SLC6A19: variants seen among roughly 807,000 people sequenced by gnomAD.
SLC6A19 encodes the protein solute carrier family 6 member 19, also known as sodium-dependent neutral amino acid transporter B(0)AT1.
SLC6A19 carries 67 observed loss-of-function variants against 68.3 expected under a neutral mutation model. The observed-to-expected ratio is 0.98, with a 90% CI of 0.81 to 1.20. SLC6A19 has a LOEUF of 1.20. Ranked by LOEUF, SLC6A19 falls within the 50% of genes most tolerant of loss-of-function variation. The pLI, the probability that SLC6A19 is intolerant of heterozygous loss-of-function variation, is 0.00. For synonymous variants in SLC6A19, 392 were observed against 374.9 expected (o/e 1.05, Z -0.53); for missense variants, 813 against 851.6 (o/e 0.95, Z 0.56).
rs1746497287 is a variant in SLC6A19 at position 1,224,731 on chromosome 5, G to T, written c.*2827G>T. 6.6e-6 allele frequency: 1 copy of T among 152,568 alleles called. No individual in the cohort carries two copies. The highest frequency in any genetic ancestry group is 1.5e-5 in the Non-Finnish European group (1 of 68,274). The allele number at this position is 152,568 out of a possible 1,614,324, so 9.5% of individuals were successfully genotyped here. ...TTGCGGGCCTGGGGGCCCTTGGCCT[G>T]TCCGTGGCGGGAGCATCTGCAAGGA... On this transcript the variant is annotated 3_prime_UTR_variant, in exon 12 of 12. Coordinates refer to ENST00000304460, the MANE Select transcript of SLC6A19 (RefSeq NM_001003841.3).
At chr5:1,213,425 C>G (rs761817133) in intron 4 of SLC6A19, 38 bp from the exon 5 acceptor site, 1 of 1,468,316 alleles carries the variant, frequency 6.8e-7, no homozygotes, top group East Asian at 2.4e-5. Flanking sequence ...CCTGGCCCCC[C>G]AACTTCCCGC....
In SLC6A19 at chr5:1,212,178, G is replaced by A. The variant is rs1165183960; in HGVS notation, c.482-125G>A. ...CATGTGTGCCTGTGTTCATGTGCAC[G>A]TGTGGGCGTGTCACTGGTGTCAAGG... is the stretch of plus-strand genomic sequence containing the variant. On this transcript the variant is annotated intron_variant, in intron 3 of 11. Transcript: ENST00000304460. This position sits in a 1 kb window ranked among gnomAD's most constrained non-coding sequence, Gnocchi z 5.1. 8 of 1,125,480 alleles carry A rather than the reference G, an allele frequency of 7.1e-6. No individual in the cohort carries two copies. Among genetic ancestry groups the A allele is most frequent in the Admixed American group, 1.9e-5 (1 of 53,866 alleles). The allele number at this position is 1,125,480 out of a possible 1,614,324, so 69.7% of individuals were successfully genotyped here. A position where few individuals can be genotyped will look rare whatever the true frequency, so the allele number is the denominator to read the frequency against.
At position 1,209,916 on chromosome 5, in the gene SLC6A19, A is replaced by G. The variant is rs1367818328; in HGVS notation, c.344-528A>G. Among the ~76,000 whole-genome samples the G allele has an allele frequency of 3.9e-5, 6 of 152,184 alleles. No homozygotes were observed. Among genetic ancestry groups the G allele is most frequent in the Middle Eastern group, 3.2e-3 (1 of 316 alleles). On this transcript the variant is annotated intron_variant, in intron 2 of 11. Coordinates refer to ENST00000304460, the MANE Select transcript of SLC6A19 (RefSeq NM_001003841.3). The surrounding 1 kb of genome is among the most constrained non-coding windows in gnomAD (Gnocchi z 5.5). ...CATCCTGCCTAGCTGTCCCCAAATA[A>G]TTGAGAACATTCCCCTCTGCAGTTT...
intron 8 of SLC6A19, among the ~76,000 whole-genome samples, chr5:1,218,399 T>C (rs1411203723): frequency 6.6e-6 from 1 of 152,156 alleles, no homozygotes; most frequent in Non-Finnish European, 1.5e-5. Flanking sequence ...GGCCGGGGCC[T>C]GGTTCTTGGT....
At chr5:1,206,374 G>GTC (rs1436435569) in intron 1 of SLC6A19, among the ~76,000 whole-genome samples, 1 of 79,338 alleles carries the variant, frequency 1.3e-5, no homozygotes, top group Admixed American at 1.1e-4. Flanking sequence ...CTGTGTGTGT[G>GTC]TCTCTCTCTC....
rs115441372 is a variant in SLC6A19 at position 1,217,035 on chromosome 5, G to A, written c.1173+90G>A. The A allele has an allele frequency of 6.2e-4, 993 of 1,591,234 alleles. 7 individuals are homozygous for A. The African/African-American group carries it at 0.012, about 20-fold the overall frequency. The stretch of plus-strand genomic sequence containing the variant: ...CACCCCTGGGCCCCTGGCCTGTGGA[G>A]GACGCAGATGCTGAGCTTCAGCCGG... On this transcript the variant is annotated intron_variant, in intron 8 of 11. Transcript: ENST00000304460.
chr5:1,221,042 C>A, intron 10 of SLC6A19, 109 bp from the exon 11 acceptor site: 1 of 1,410,200 alleles, frequency 7.1e-7, no homozygotes, highest in Non-Finnish European at 9.7e-7. Context: ...CAAGGGGAGG[C>A]CGGGCACCTC....
At chr5:1,202,456 G>A (rs1487451230) in intron 1 of SLC6A19, among the ~76,000 whole-genome samples, 4 of 152,204 alleles carry the variant, frequency 2.6e-5, no homozygotes, top group East Asian at 1.9e-4. Flanking sequence ...AGGCATGGCC[G>A]CTGCTGGCAC....
chr5:1,208,246 C>T (rs1177193630), intron 1 of SLC6A19, among the ~76,000 whole-genome samples: 1 of 152,224 alleles, frequency 6.6e-6, no homozygotes, highest in African/African-American at 2.4e-5. Flanking sequence ...CCTCTCCCCA[C>T]AGGCATGCCA....
At position 1,224,125 on chromosome 5, in the gene SLC6A19, A is replaced by C. The variant is rs1746478196; in HGVS notation, c.*2221A>C. Reference sequence around the variant, plus strand: ...ATATGCTGCCCTGTGGCATCTGCCCAGGAGGCCCTGCCAGGCGTGCACAGG... The same window carrying C: ...ATATGCTGCCCTGTGGCATCTGCCCCGGAGGCCCTGCCAGGCGTGCACAGG... On this transcript the variant is annotated 3_prime_UTR_variant, in exon 12 of 12. Coordinates refer to ENST00000304460, the MANE Select transcript of SLC6A19 (RefSeq NM_001003841.3). 1.3e-5 allele frequency: 2 copies of C among 152,278 alleles called. No individual in the cohort carries two copies. The highest frequency in any genetic ancestry group is 1.3e-4 in the Admixed American group (2 of 15,284). 9.4% of individuals were successfully genotyped at this position (152,278 alleles called of 1,614,324 possible). A position where few individuals can be genotyped will look rare whatever the true frequency, so the allele number is the denominator to read the frequency against.
chr5:1,202,959 C>A (rs561282613), intron 1 of SLC6A19, among the ~76,000 whole-genome samples: 2 of 152,124 alleles, frequency 1.3e-5, no homozygotes, highest in Non-Finnish European at 2.9e-5. Flanking sequence ...TTGGCCACTC[C>A]GATACTATAG....
At chr5:1,216,730 C>T in intron 7 of SLC6A19, 44 bp downstream of exon 7, 1 of 1,613,734 alleles carries the variant, frequency 6.2e-7, no homozygotes, top group African/African-American at 1.3e-5. Flanking sequence ...GCTGCGCCTC[C>T]AGGAAGCCTC....
chr5:1,219,080 C>T lies in SLC6A19; in HGVS notation c.1351C>T (p.Pro451Ser). The T allele has an allele frequency of 3.1e-6, 5 of 1,613,768 alleles. No homozygotes were observed. The highest frequency in any genetic ancestry group is 4.2e-6 in the Non-Finnish European group (5 of 1,179,904). ...CCTGCAGGACCTCAGAGTCATCCCC[C>T]CGAAGTGGCCCAAGGAGGTGCTCAC... ...VPLQDLRVIP[P>S]KWPKEVLTGL... Residue 451 changes from proline (P) to serine (S), a missense_variant, in exon 9 of 12, where the codon CCG becomes TCG. By Grantham distance (74) the Pro-to-Ser change is moderately conservative. Transcript: ENST00000304460.
intron 2 of SLC6A19, 61 bp downstream of exon 2, chr5:1,208,947 C>T (rs921882769): frequency 2.6e-6 from 4 of 1,565,132 alleles, no homozygotes; most frequent in Admixed American, 1.8e-5. Flanking sequence ...GAAGCCGTTC[C>T]ACCCGGGCCC....
In SLC6A19 at chr5:1,222,429, TTGTG is replaced by T. The variant is rs1405420062; in HGVS notation, c.*529_*532del. The T allele has an allele frequency of 2.3e-6, 1 of 443,274 alleles. No homozygotes were observed. Among genetic ancestry groups the T allele is most frequent in the Non-Finnish European group, 4.0e-6 (1 of 252,884 alleles). The allele number at this position is 443,274 out of a possible 1,614,324, so 27.5% of individuals were successfully genotyped here. Reference sequence around the variant, plus strand: ...TGTGAGTGTATATACATGCATGCAATTGTGTGTATGTGTGTTCTGTGTGTGCGTT... The same window carrying T: ...TGTGAGTGTATATACATGCATGCAATTGTATGTGTGTTCTGTGTGTGCGTT... On this transcript the variant is annotated 3_prime_UTR_variant, in exon 12 of 12. Transcript: ENST00000304460.
In SLC6A19 at chr5:1,221,163, C is replaced by G; in HGVS notation, c.1551C>G (p.Asp517Glu). Residue 517 changes from aspartate (D) to glutamate (E), a missense_variant, in exon 11 of 12, where the codon GAC becomes GAG. Physicochemically the swap from Asp to Glu is conservative, Grantham distance 45. Transcript: ENST00000304460. ...CTGGCCTTGGCAGGTTCAATAAGGA[C>G]ATCGAGTTCATGATCGGCCACAAGC... ...YVYGVDRFNKDIEFMIGHKPN... is the reference protein window; with the variant it reads ...YVYGVDRFNKEIEFMIGHKPN... The G allele has an allele frequency of 6.2e-7, 1 of 1,613,798 alleles. No individual in the cohort carries two copies. The highest frequency in any genetic ancestry group is 8.5e-7 in the Non-Finnish European group (1 of 1,179,904).
In SLC6A19 at chr5:1,219,019, A is replaced by G. The variant is rs1193485971; in HGVS notation, c.1290A>G (p.Ser430=). 4 of 1,613,830 alleles carry G rather than the reference A, an allele frequency of 2.5e-6. No homozygotes were observed. In the African/African-American group the frequency reaches 5.3e-5, roughly 22 times the overall value. ...TTATGCTCTTCTGCCTGGGGCTGTC[A>G]TCTATGTTTGGGAACATGGAGGGCG... ...FFIMLFCLGL[S]SMFGNMEGVV... Residue 430 remains serine, a synonymous_variant, in exon 9 of 12, where the codon TCA becomes TCG. Coordinates refer to ENST00000304460, the MANE Select transcript of SLC6A19 (RefSeq NM_001003841.3).
chr5:1,221,099 G>A lies in SLC6A19; in HGVS notation c.1539-52G>A, dbSNP rs1314611675. 6 of 1,597,298 alleles carry A rather than the reference G, an allele frequency of 3.8e-6. No homozygotes were observed. The African/African-American group carries it at 5.4e-5, about 14-fold the overall frequency. On this transcript the variant is annotated intron_variant, in intron 10 of 11. Coordinates refer to ENST00000304460, the MANE Select transcript of SLC6A19 (RefSeq NM_001003841.3). ...TAGCAGAACGTACAGAAAGCTTAGC[G>A]AGTTGAAGCCCAGCTGGTAGCAGCA... is the stretch of plus-strand genomic sequence containing the variant.
chr5:1,211,659 T>A (rs1018398177), intron 3 of SLC6A19, among the ~76,000 whole-genome samples: 1 of 152,090 alleles, frequency 6.6e-6, no homozygotes, highest in African/African-American at 2.4e-5. Context: ...TGCATGCATG[T>A]GTGTGCACGT....
Sources: gnomAD v4.1 joint callset for allele counts (sites outside exome capture counted in the v4.1 genomes callset) on GRCh38, gnomAD v4.1.1 for gene constraint, Gnocchi (gnomAD v3.1) non-coding constraint, MANE v1.5 for transcripts, NCBI Gene and HGNC (gene_info 2026-07-23, HGNC 2026-07-21) for gene names.